IGFBP3: variants seen among roughly 807,000 people sequenced by gnomAD.
IGFBP3 encodes the protein insulin like growth factor binding protein 3, also known as insulin-like growth factor-binding protein 3.
In IGFBP3, 9 loss-of-function variants were observed where a neutral mutation model predicts 28.6. That is an observed-to-expected ratio of 0.31 (90% CI 0.19 to 0.55). IGFBP3 has a LOEUF of 0.55. IGFBP3 is among the 20% of genes least tolerant of loss of function. The pLI is 0.93. For synonymous variants in IGFBP3, 185 were observed against 188.2 expected, an observed-to-expected ratio of 0.98 and a Z score of 0.14; for missense variants, 382 against 428.9, an observed-to-expected ratio of 0.89 and a Z score of 0.97.
rs780090289 is a variant in IGFBP3 at position 45,914,876 on chromosome 7, C to T, written c.820G>A (p.Gly274Ser). 1.2e-6 allele frequency: 2 copies of T among 1,614,162 alleles called. No individual in the cohort carries two copies. The highest frequency in any genetic ancestry group is 1.3e-5 in the African/African-American group (1 of 75,056). ...CVDKYGQPLPGYTTKGKEDVH... is the reference protein window; with the variant it reads ...CVDKYGQPLPSYTTKGKEDVH... ...TCCTCCTTCCCCTTGGTGGTGTAGCCTGGGAGAGGCTGCCCATACTTATCC... is the reference window on the plus strand; with the variant it reads ...TCCTCCTTCCCCTTGGTGGTGTAGCTTGGGAGAGGCTGCCCATACTTATCC... Residue 274 changes from glycine (G) to serine (S), a missense_variant, in exon 4 of 5, where the codon GGC becomes AGC. Coordinates refer to ENST00000613132, the MANE Select transcript of IGFBP3 (RefSeq NM_000598.5).
intron 3 of IGFBP3, among the ~76,000 whole-genome samples, chr7:45,915,909 C>G (rs1221843243): frequency 6.6e-6 from 1 of 152,212 alleles, no homozygotes; most frequent in Non-Finnish European, 1.5e-5. Flanking sequence ...CACGCCAAGA[C>G]AGACACCTGG....
In IGFBP3 at chr7:45,913,549, T is replaced by C. The variant is rs1784571388; in HGVS notation, c.*301A>G. On this transcript the variant is annotated 3_prime_UTR_variant, in exon 5 of 5. Transcript: ENST00000613132. Reference sequence around the variant, plus strand: ...GCTTCGACCAACATGTGGTGAGCATTCCACGGGCGCATGAAGTCTGGGTGC... The same window carrying C: ...GCTTCGACCAACATGTGGTGAGCATCCCACGGGCGCATGAAGTCTGGGTGC... 6.6e-6 allele frequency: 1 copy of C among 152,218 alleles called. No individual in the cohort carries two copies. Among genetic ancestry groups the C allele is most frequent in the South Asian group, 2.1e-4 (1 of 4,830 alleles). The allele number at this position is 152,218 out of a possible 1,614,324, so 9.4% of individuals were successfully genotyped here.
At chr7:45,920,701 G>T in intron 1 of IGFBP3, 37 bp downstream of exon 1, 1 of 1,340,118 alleles carries the variant, frequency 7.5e-7, no homozygotes, top group South Asian at 1.9e-5. Context: ...CAGTGCGCCG[G>T]GTGCTGCACG....
Position 45,921,194 on chromosome 7 carries a change from C to T in IGFBP3, c.-54G>A, listed in dbSNP as rs1039201503. Reference sequence around the variant, plus strand: ...GCAGGCTGGGCGCGCAGGGATGGGGCGACAGTACACGGCGCGAAGCTGTGG... The same window carrying T: ...GCAGGCTGGGCGCGCAGGGATGGGGTGACAGTACACGGCGCGAAGCTGTGG... On this transcript the variant is annotated 5_prime_UTR_variant, in exon 1 of 5. Transcript: ENST00000613132. 7.4e-6 allele frequency: 11 copies of T among 1,487,744 alleles called. No individual in the cohort carries two copies. The Admixed American group carries it at 2.2e-4, about 30-fold the overall frequency. 92.2% of individuals were successfully genotyped at this position (1,487,744 alleles called of 1,614,324 possible). A position where few individuals can be genotyped will look rare whatever the true frequency, so the allele number is the denominator to read the frequency against.
chr7:45,915,119 G>C (rs572291309), intron 3 of IGFBP3, 174 bp from the exon 4 acceptor site: 2 of 647,962 alleles, frequency 3.1e-6, no homozygotes, highest in Non-Finnish European at 5.2e-6. Context: ...CTGAGTGTGC[G>C]CCTGTGCATG....
chr7:45,917,188 C>T (rs750107996), intron 2 of IGFBP3, 25 bp downstream of exon 2: 93 of 1,578,106 alleles, frequency 5.9e-5, no homozygotes, highest in Non-Finnish European at 7.5e-5. Flanking sequence ...TGCCCTCCTC[C>T]TTTAACAAGA....
At chr7:45,915,835 C>T (rs1215108388) in intron 3 of IGFBP3, among the ~76,000 whole-genome samples, 1 of 152,186 alleles carries the variant, frequency 6.6e-6, no homozygotes, top group Non-Finnish European at 1.5e-5. Flanking sequence ...ACCACATGGC[C>T]AGTTTGGAGA....
chr7:45,916,883 G>T lies in IGFBP3; in HGVS notation c.631-216C>A. The T allele has an allele frequency of 5.3e-6, 3 of 565,796 alleles. No homozygotes were observed. In the South Asian group the frequency reaches 6.9e-5, roughly 13 times the overall value. 35.0% of individuals were successfully genotyped at this position (565,796 alleles called of 1,614,324 possible). On this transcript the variant is annotated intron_variant, in intron 2 of 4. Transcript: ENST00000613132. ...TTCCCAGAGTAAGGCACAGAAGCTG[G>T]TATGGAACCAATAGCAGGTCAACAA...
chr7:45,917,227 G>T lies in IGFBP3; in HGVS notation c.616C>A (p.Arg206=), dbSNP rs200568324. Residue 206 remains arginine (R), a synonymous_variant, in exon 2 of 5, where the codon CGG becomes AGG. Transcript: ENST00000613132. ...AAAGCTCTCACATATTCTGTCTCCCGCTTGGACTCGGAGGAGAAGTTCTGG... is the reference window on the plus strand; with the variant it reads ...AAAGCTCTCACATATTCTGTCTCCCTCTTGGACTCGGAGGAGAAGTTCTGG... The part of the protein sequence containing the change: ...DTQNFSSESK[R]ETEYGPCRRE... 2 of 1,612,136 alleles carry T rather than the reference G, an allele frequency of 1.2e-6. No individual in the cohort carries two copies. The highest frequency in any genetic ancestry group is 1.3e-5 in the African/African-American group (1 of 74,842).
chr7:45,919,156 A>G (rs1425019779), intron 1 of IGFBP3, among the ~76,000 whole-genome samples: 2 of 152,326 alleles, frequency 1.3e-5, no homozygotes, highest in East Asian at 3.9e-4. Flanking sequence ...GCAACAGATA[A>G]TTGTGACTTT....
chr7:45,920,956 A>C lies in IGFBP3; in HGVS notation c.185T>G (p.Val62Gly). The change falls in exon 1 of 5, where the codon GTG becomes GGG. Residue 62 changes from valine (V) to glycine (G), a missense_variant. Transcript: ENST00000613132. ...APPPAVCAEL[V>G]REPGCGCCLT... ...GCAGCAGCCGCAGCCCGGCTCGCGCACCAGCTCCGCGCACACGGCGGGCGG... is the reference window on the plus strand; with the variant it reads ...GCAGCAGCCGCAGCCCGGCTCGCGCCCCAGCTCCGCGCACACGGCGGGCGG... 2 of 1,368,368 alleles carry C rather than the reference A, an allele frequency of 1.5e-6. No individual in the cohort carries two copies. The highest frequency in any genetic ancestry group is 1.9e-6 in the Non-Finnish European group (2 of 1,068,340). The allele number at this position is 1,368,368 out of a possible 1,614,324, so 84.8% of individuals were successfully genotyped here. A position where few individuals can be genotyped will look rare whatever the true frequency, so the allele number is the denominator to read the frequency against.
At chr7:45,920,049 C>A (rs1485227833) in intron 1 of IGFBP3, 1 of 152,076 alleles carries the variant, frequency 6.6e-6, no homozygotes, top group South Asian at 2.1e-4. Flanking sequence ...TTGAGGTCGG[C>A]GCAGGTGCAG....
chr7:45,916,371 G>A (rs1333805348), intron 3 of IGFBP3, among the ~76,000 whole-genome samples, 177 bp downstream of exon 3: 1 of 152,212 alleles, frequency 6.6e-6, no homozygotes, highest in African/African-American at 2.4e-5. Flanking sequence ...AGCACTCAGA[G>A]CAACAAGTCA....
At chr7:45,919,035 C>T (rs904416947) in intron 1 of IGFBP3, among the ~76,000 whole-genome samples, 2 of 152,108 alleles carry the variant, frequency 1.3e-5, no homozygotes, top group African/African-American at 4.8e-5. Flanking sequence ...TGTAAATAAA[C>T]GTATTTATAC....
chr7:45,916,059 A>C (rs1784605120), intron 3 of IGFBP3, among the ~76,000 whole-genome samples: 1 of 152,194 alleles, frequency 6.6e-6, no homozygotes, highest in Non-Finnish European at 1.5e-5. Context: ...TCAAAATCTT[A>C]ATATTGCAAC....
chr7:45,920,683 T>C (rs2116585036), intron 1 of IGFBP3, 55 bp downstream of exon 1: 1 of 1,317,378 alleles, frequency 7.6e-7, no homozygotes, highest in Non-Finnish European at 9.7e-7. Flanking sequence ...CCCCAGGCCC[T>C]TCGGCGCCAG....
At position 45,920,831 on chromosome 7, in the gene IGFBP3, G is replaced by A; in HGVS notation, c.310C>T (p.Leu104=). Residue 104 remains leucine, a synonymous_variant, in exon 1 of 5, where the codon CTG becomes TTG. Transcript: ENST00000613132. ...CQPSPDEARP[L]QALLDGRGLC... ...CCGCGGCCGTCCAGCAGCGCCTGCAGCGGTCGCGCCTCGTCGGGCGACGGC... is the reference window on the plus strand; with the variant it reads ...CCGCGGCCGTCCAGCAGCGCCTGCAACGGTCGCGCCTCGTCGGGCGACGGC... 7.1e-7 allele frequency: 1 copy of A among 1,408,792 alleles called. No individual in the cohort carries two copies. The highest frequency in any genetic ancestry group is 1.5e-5 in the South Asian group (1 of 66,698). 87.3% of individuals were successfully genotyped at this position (1,408,792 alleles called of 1,614,324 possible). A position where few individuals can be genotyped will look rare whatever the true frequency, so the allele number is the denominator to read the frequency against.
rs772946788 is a variant in IGFBP3 at position 45,916,560 on chromosome 7, A to G, written c.738T>C (p.Tyr246=). ...GGACCTCACTCACCTGCTTTTTCTT[A>G]TAAAATCCCTTCTTGTCACAGTTGG... The part of the protein sequence containing the change: ...HIPNCDKKGF[Y]KKKQCRPSKG... Residue 246 remains tyrosine, a synonymous_variant, in exon 3 of 5, where the codon TAT becomes TAC. Coordinates refer to ENST00000613132, the MANE Select transcript of IGFBP3 (RefSeq NM_000598.5). The G allele has an allele frequency of 2.3e-5, 37 of 1,611,250 alleles. No homozygotes were observed. The East Asian group carries it at 4.7e-4, about 20-fold the overall frequency.
At chr7:45,916,213 A>C (rs1388397148) in intron 3 of IGFBP3, among the ~76,000 whole-genome samples, 3 of 152,230 alleles carry the variant, frequency 2.0e-5, no homozygotes, top group Non-Finnish European at 1.5e-5. Flanking sequence ...ACGCAGCATT[A>C]ACAAATGTGT....
Sources: gnomAD v4.1 joint callset for allele counts (sites outside exome capture counted in the v4.1 genomes callset) on GRCh38, gnomAD v4.1.1 for gene constraint, MANE v1.5 for transcripts, NCBI Gene and HGNC (gene_info 2026-07-23, HGNC 2026-07-21) for gene names.